Variants in GNG12 observed in about 807,000 individuals in gnomAD.
GNG12 encodes the protein guanine nucleotide-binding protein G(I)/G(S)/G(O) subunit gamma-12.
For synonymous variants in GNG12, 28 were observed against 29.7 expected (o/e 0.94, Z 0.19); for missense variants, 69 against 83.8 (o/e 0.82, Z 0.69).
rs567469479 is a variant in GNG12 at position 67,716,422 on chromosome 1, A to G, written c.-26-8710T>C. The stretch of plus-strand genomic sequence containing the variant: ...TTAATTTTGACAATTACCACCATTT[A>G]CTGAGTGCTGAGTCTGTGCCAGGTA... On this transcript the variant is annotated intron_variant, in intron 2 of 3. Coordinates refer to ENST00000370982, the MANE Select transcript of GNG12 (RefSeq NM_018841.6). Among the ~76,000 whole-genome samples the G allele has an allele frequency of 1.9e-4, 29 of 152,368 alleles. No individual in the cohort carries two copies. In the South Asian group the frequency reaches 5.6e-3, roughly 29 times the overall value.
At chr1:67,766,391 C>T (rs935830045) in intron 2 of GNG12, among the ~76,000 whole-genome samples, 6 of 152,078 alleles carry the variant, frequency 3.9e-5, no homozygotes, top group Non-Finnish European at 7.4e-5. Context: ...GGTCTTTCCG[C>T]GCTCCTGCTT....
chr1:67,707,916 T>C (rs1217955863), intron 2 of GNG12, among the ~76,000 whole-genome samples: 1 of 152,200 alleles, frequency 6.6e-6, no homozygotes, highest in Admixed American at 6.5e-5. Context: ...CCTACATAAA[T>C]CTTTAGTTTG....
At chr1:67,746,739 T>A (rs950611772) in intron 2 of GNG12, among the ~76,000 whole-genome samples, 1 of 152,184 alleles carries the variant, frequency 6.6e-6, no homozygotes, top group Admixed American at 6.5e-5. Flanking sequence ...ACCCAGAGAG[T>A]ATTAGTAAGT....
intron 2 of GNG12, among the ~76,000 whole-genome samples, chr1:67,732,102 T>C (rs1646423260): frequency 6.6e-6 from 1 of 152,234 alleles, no homozygotes; most frequent in Admixed American, 6.5e-5. Flanking sequence ...AGGTATTCCG[T>C]TCAGCCTTTA....
chr1:67,751,059 C>T (rs1646535830), intron 2 of GNG12, among the ~76,000 whole-genome samples: 1 of 151,824 alleles, frequency 6.6e-6, no homozygotes, highest in African/African-American at 2.4e-5. Context: ...AGTTTTTAAC[C>T]TCAGTTATTA....
At chr1:67,770,086 G>T (rs1646664912) in intron 2 of GNG12, among the ~76,000 whole-genome samples, 1 of 152,174 alleles carries the variant, frequency 6.6e-6, no homozygotes, top group African/African-American at 2.4e-5. Flanking sequence ...GAAAGTGAAG[G>T]TTTCCACCAC....
chr1:67,786,071 T>A (rs75514621), intron 1 of GNG12, among the ~76,000 whole-genome samples: 4,111 of 152,152 alleles, frequency 0.027, 194 homozygotes, highest in African/African-American at 0.094. Context: ...GGGAGAAAAA[T>A]AATCTGGATC....
At chr1:67,754,775 C>T (rs964274746) in intron 2 of GNG12, among the ~76,000 whole-genome samples, 3 of 152,212 alleles carry the variant, frequency 2.0e-5, no homozygotes, top group Non-Finnish European at 4.4e-5. Flanking sequence ...GCATTAGAGG[C>T]CACTCCGTGA....
intron 1 of GNG12, among the ~76,000 whole-genome samples, chr1:67,814,140 A>G (rs1011430771): frequency 2.0e-5 from 3 of 152,120 alleles, no homozygotes; most frequent in African/African-American, 7.2e-5. Flanking sequence ...AAAAGTAAAA[A>G]TTTAAAACAT....
intron 1 of GNG12, among the ~76,000 whole-genome samples, chr1:67,787,073 A>ATCTGTGTGT (rs1646775253): frequency 1.2e-5 from 1 of 81,760 alleles, no homozygotes; most frequent in African/African-American, 4.0e-5. Flanking sequence ...GTGTGTGTAT[A>ATCTGTGTGT]GTCCCCCTCC....
intron 1 of GNG12, among the ~76,000 whole-genome samples, chr1:67,832,816 G>T (rs1362819624): frequency 2.6e-5 from 4 of 151,236 alleles, no homozygotes; most frequent in African/African-American, 9.7e-5. Flanking sequence ...GGCTGGTCCC[G>T]GGAGGTAGAA....
At chr1:67,761,884 G>A (rs1470028555) in intron 2 of GNG12, among the ~76,000 whole-genome samples, 2 of 151,976 alleles carry the variant, frequency 1.3e-5, no homozygotes, top group South Asian at 2.1e-4. Flanking sequence ...GTTTAATCAC[G>A]GCTCCACTCC....
Position 67,723,792 on chromosome 1 carries a change from T to C in GNG12, c.-26-16080A>G, listed in dbSNP as rs527764930. Among the ~76,000 whole-genome samples the C allele has an allele frequency of 3.3e-5, 5 of 152,356 alleles. No homozygotes were observed. In the South Asian group the frequency reaches 1.0e-3, roughly 32 times the overall value. On this transcript the variant is annotated intron_variant, in intron 2 of 3. Transcript: ENST00000370982. ...GCCTGGCTCCTGATTCTATGCTCTTTAACCACATATGATACTTTTATGATT... is the reference window on the plus strand; with the variant it reads ...GCCTGGCTCCTGATTCTATGCTCTTCAACCACATATGATACTTTTATGATT...
chr1:67,766,148 A>ACCCC lies in GNG12; in HGVS notation c.-27+11306_-27+11309dup, dbSNP rs1553157564. On this transcript the variant is annotated intron_variant, in intron 2 of 3. Coordinates refer to ENST00000370982, the MANE Select transcript of GNG12 (RefSeq NM_018841.6). ...CACACACACACACACACACACACAC[A>ACCCC]CCCCTAAACAATGCCCTCATAGACA... Among the ~76,000 whole-genome samples, 158 of 133,786 alleles carry ACCCC rather than the reference A, an allele frequency of 1.2e-3. No homozygotes were observed. The East Asian group carries it at 0.022, about 18-fold the overall frequency. 87.8% of individuals were successfully genotyped at this position (133,786 alleles called of 152,430 possible). A position where few individuals can be genotyped will look rare whatever the true frequency, so the allele number is the denominator to read the frequency against.
rs1330177052 is a variant in GNG12 at position 67,724,215 on chromosome 1, A to G, written c.-26-16503T>C. On this transcript the variant is annotated intron_variant, in intron 2 of 3. Coordinates refer to ENST00000370982, the MANE Select transcript of GNG12 (RefSeq NM_018841.6). ...GCAAAGAGGGTAACTGAGAGGGCAG[A>G]AGGGGATGAGCTCAGGACTGCGCTC... Among the ~76,000 whole-genome samples the G allele has an allele frequency of 2.6e-5, 4 of 152,300 alleles. No individual in the cohort carries two copies. The East Asian group carries it at 7.7e-4, about 29-fold the overall frequency.
In GNG12 at chr1:67,701,717, A is replaced by G. The variant is rs1646215945; in HGVS notation, c.*3734T>C. 2 of 152,606 alleles carry G rather than the reference A, an allele frequency of 1.3e-5. No homozygotes were observed. Among genetic ancestry groups the G allele is most frequent in the African/African-American group, 2.4e-5 (1 of 41,436 alleles). 9.5% of individuals were successfully genotyped at this position (152,606 alleles called of 1,614,324 possible). On this transcript the variant is annotated 3_prime_UTR_variant, in exon 4 of 4. Coordinates refer to ENST00000370982, the MANE Select transcript of GNG12 (RefSeq NM_018841.6). ...GAATATTACATAACAACAAAATCTC[A>G]TCAATGATATATCAAATGCAAATTT...
chr1:67,767,984 G>A (rs892604468), intron 2 of GNG12, among the ~76,000 whole-genome samples: 6 of 152,168 alleles, frequency 3.9e-5, no homozygotes, highest in Admixed American at 3.3e-4. Context: ...GCTACGTTGC[G>A]GAGGCTGGAC....
At chr1:67,742,737 T>G (rs1006226979) in intron 2 of GNG12, among the ~76,000 whole-genome samples, 9 of 152,338 alleles carry the variant, frequency 5.9e-5, no homozygotes, top group Admixed American at 5.2e-4. Flanking sequence ...CTTGACTGCT[T>G]TCTACATCAA....
In GNG12 at chr1:67,801,877, C is replaced by T. The variant is rs528911176; in HGVS notation, c.-76-24370G>A. On this transcript the variant is annotated intron_variant, in intron 1 of 3. Coordinates refer to ENST00000370982, the MANE Select transcript of GNG12 (RefSeq NM_018841.6). ...ATACAAGACAACCAGCATCGTTCTT[C>T]GCTCAATAAATTTTGCCTATAAAAA... 8.0e-5 allele frequency among the ~76,000 whole-genome samples: 12 copies of T among 149,196 alleles called. No homozygotes were observed. In the East Asian group the frequency reaches 1.4e-3, roughly 17 times the overall value.
Sources: allele counts gnomAD v4.1 joint callset (sites outside exome capture counted in the v4.1 genomes callset), GRCh38; gene constraint gnomAD v4.1.1; transcripts MANE v1.5; gene names NCBI Gene and HGNC (gene_info 2026-07-23, HGNC 2026-07-21).